The following BIRC6 variants were observed in gnomAD, a reference collection of about 807,000 sequenced individuals.
The protein encoded by BIRC6 is baculoviral IAP repeat containing 6.
BIRC6 carries 98 observed loss-of-function variants against 503.3 expected under a neutral mutation model. That is an observed-to-expected ratio of 0.19 (90% CI 0.17 to 0.23). The LOEUF is 0.23. Ranked by LOEUF, BIRC6 falls within the 10% of genes least tolerant of loss-of-function variation. The pLI is 1.00. For missense variants in BIRC6, 5,360 were observed against 5,806.0 expected, an observed-to-expected ratio of 0.92 and a Z score of 2.50; for synonymous variants, 2,240 against 2,078.7, an observed-to-expected ratio of 1.08 and a Z score of -2.11.
chr2:32,577,518 CCTT>C (rs1410375530), intron 66 of BIRC6, among the ~76,000 whole-genome samples: 3 of 151,992 alleles, frequency 2.0e-5, no homozygotes, highest in Non-Finnish European at 4.4e-5. Context: ...ATAATAATAT[CCTT>C]CTTTAAACTG....
chr2:32,558,891 C>T (rs557562663), intron 65 of BIRC6: 5 of 152,284 alleles, frequency 3.3e-5, no homozygotes, highest in African/African-American at 1.2e-4. Context: ...GTAAGTCACA[C>T]TGTAAATAGG....
At chr2:32,469,149 A>G (rs1363502515) in intron 29 of BIRC6, among the ~76,000 whole-genome samples, 1 of 152,202 alleles carries the variant, frequency 6.6e-6, no homozygotes, top group Non-Finnish European at 1.5e-5. Flanking sequence ...TCACACATTC[A>G]CTGACACAGC....
At chr2:32,481,817 C>G (rs2050434182) in intron 38 of BIRC6, among the ~76,000 whole-genome samples, 1 of 151,856 alleles carries the variant, frequency 6.6e-6, no homozygotes, top group Admixed American at 6.6e-5. Flanking sequence ...CAGTCTCATA[C>G]TTTTGGCTTA....
chr2:32,586,398 A>G (rs979191033), intron 66 of BIRC6, among the ~76,000 whole-genome samples: 10 of 133,468 alleles, frequency 7.5e-5, no homozygotes, highest in African/African-American at 2.8e-4. Context: ...TCACTGTATT[A>G]TCTCAGACAA....
chr2:32,505,097 T>G lies in BIRC6; in HGVS notation c.9592T>G (p.Ser3198Ala). ...CAGAAGAGCTCGCTCTGCTGCTTGG[T>G]CCTACATCTTTCTTCCAGAGGAGGC... ...PHRRARSAAW[S>A]YIFLPEEAWC... is the part of the protein sequence containing the mutation. The change falls in exon 50 of 74, where the codon TCC becomes GCC. Residue 3198 changes from serine to alanine, a missense_variant. Ser to Ala is a moderately conservative substitution (Grantham distance 99, BLOSUM62 1). This residue lies in a region of BIRC6 where 267 missense variants were observed against 287.6 expected (regional missense o/e 0.93). Coordinates refer to ENST00000421745, the MANE Select transcript of BIRC6 (RefSeq NM_016252.4). 6.2e-7 allele frequency: 1 copy of G among 1,612,082 alleles called. No individual in the cohort carries two copies. The highest frequency in any genetic ancestry group is 8.5e-7 in the Non-Finnish European group (1 of 1,179,062).
At chr2:32,534,390 A>AG (rs1257981674) in intron 61 of BIRC6, among the ~76,000 whole-genome samples, 6 of 151,196 alleles carry the variant, frequency 4.0e-5, no homozygotes, top group East Asian at 2.0e-4. Context: ...AAAAAAAAAA[A>AG]AGAGACACTG....
intron 4 of BIRC6, among the ~76,000 whole-genome samples, chr2:32,390,045 A>G (rs544925675): frequency 1.6e-4 from 25 of 152,100 alleles, no homozygotes; most frequent in African/African-American, 5.8e-4. Context: ...TTTTTAGTAG[A>G]GACAGTGTTT....
chr2:32,401,989 A>G (rs1369286283), intron 8 of BIRC6, among the ~76,000 whole-genome samples: 15 of 152,336 alleles, frequency 9.8e-5, no homozygotes, highest in Non-Finnish European at 2.9e-5. Flanking sequence ...AGATGATTTC[A>G]GTTTCCGTTT....
chr2:32,524,431 T>C lies in BIRC6; in HGVS notation c.11624-457T>C, dbSNP rs563666348. On this transcript the variant is annotated intron_variant, in intron 57 of 73. Coordinates refer to ENST00000421745, the MANE Select transcript of BIRC6 (RefSeq NM_016252.4). ...GTCTAGTTTAATGCTATAGACTGAATCTTGAGCTTGAGTCCCATATTTGCC... is the reference window on the plus strand; with the variant it reads ...GTCTAGTTTAATGCTATAGACTGAACCTTGAGCTTGAGTCCCATATTTGCC... Among the ~76,000 whole-genome samples, 14 of 152,348 alleles carry C rather than the reference T, an allele frequency of 9.2e-5. No homozygotes were observed. In the South Asian group the frequency reaches 2.9e-3, roughly 32 times the overall value.
intron 33 of BIRC6, among the ~76,000 whole-genome samples, chr2:32,473,820 A>T (rs981357673): frequency 7.0e-6 from 1 of 143,196 alleles, no homozygotes; most frequent in Non-Finnish European, 1.5e-5. Flanking sequence ...TGGAACAATC[A>T]TAGTTCACTG....
At chr2:32,550,394 T>TA (rs2058346904) in intron 65 of BIRC6, among the ~76,000 whole-genome samples, 8 of 152,154 alleles carry the variant, frequency 5.3e-5, no homozygotes, top group Admixed American at 5.2e-4. Context: ...CCTTTAAAAA[T>TA]ACGCTATTTC....
intron 9 of BIRC6, among the ~76,000 whole-genome samples, chr2:32,407,317 G>A (rs913932436): frequency 1.3e-5 from 2 of 151,798 alleles, no homozygotes; most frequent in Non-Finnish European, 2.9e-5. Context: ...GCGTGGTGGC[G>A]CATGCCTATC....
intron 37 of BIRC6, among the ~76,000 whole-genome samples, chr2:32,480,755 C>T (rs1015438682): frequency 1.1e-4 from 17 of 148,900 alleles, no homozygotes; most frequent in African/African-American, 3.7e-4. Context: ...GATTCTCCTG[C>T]TTCAGCCCCT....
In BIRC6 at chr2:32,593,953, A is replaced by C. The variant is rs1196954154; in HGVS notation, c.13394A>C (p.Asp4465Ala). The change falls in exon 67 of 74, where the codon GAT (aspartate) becomes GCT (alanine). Residue 4465 changes from aspartate (D) to alanine (A), a missense_variant. By Grantham distance (126) the Asp-to-Ala change is moderately radical. Around this residue, in one of 16 missense-constraint regions of BIRC6, gnomAD observed 477 missense variants for 574.4 expected, o/e 0.83. Coordinates refer to ENST00000421745, the MANE Select transcript of BIRC6 (RefSeq NM_016252.4). ...RENVKTGVKPDASDQEPEGLT... is the reference protein window; with the variant it reads ...RENVKTGVKPAASDQEPEGLT... ...AATGTTAAAACAGGAGTAAAACCAG[A>C]TGCGTCTGATCAAGAACCAGAAGGA... The C allele has an allele frequency of 6.2e-7, 1 of 1,613,576 alleles. No individual in the cohort carries two copies. Among genetic ancestry groups the C allele is most frequent in the Admixed American group, 1.7e-5 (1 of 60,006 alleles).
At chr2:32,446,766 T>A (rs985884461) in intron 21 of BIRC6, among the ~76,000 whole-genome samples, 6 of 138,038 alleles carry the variant, frequency 4.3e-5, no homozygotes, top group Non-Finnish European at 9.4e-5. Context: ...TTTTTTTTTT[T>A]TTTTTATTGA....
intron 65 of BIRC6, among the ~76,000 whole-genome samples, chr2:32,572,482 G>C (rs2059979152): frequency 6.6e-6 from 1 of 152,118 alleles, no homozygotes; most frequent in African/African-American, 2.4e-5. Flanking sequence ...TAGAATATAG[G>C]CATTTAAAAT....
At chr2:32,384,914 C>G (rs970497860) in intron 3 of BIRC6, among the ~76,000 whole-genome samples, 1 of 152,118 alleles carries the variant, frequency 6.6e-6, no homozygotes, top group African/African-American at 2.4e-5. Flanking sequence ...TATTTTTACC[C>G]TCTGAGAGTT....
At chr2:32,482,405 C>T in intron 38 of BIRC6, 24 bp from the exon 39 acceptor site, 2 of 1,598,796 alleles carry the variant, frequency 1.3e-6, no homozygotes, top group South Asian at 1.1e-5. Flanking sequence ...AAATAAACCA[C>T]AGTTTTTTTT....
chr2:32,391,164 A>G (rs2039183183), intron 4 of BIRC6, among the ~76,000 whole-genome samples: 1 of 152,226 alleles, frequency 6.6e-6, no homozygotes, highest in African/African-American at 2.4e-5. Flanking sequence ...AATCAGTGCA[A>G]GCTGTGGTAA....
Sources: allele counts gnomAD v4.1 joint callset (sites outside exome capture counted in the v4.1 genomes callset), GRCh38; gene constraint gnomAD v4.1.1; regional missense constraint gnomAD v4.1.1; transcripts MANE v1.5; gene names NCBI Gene and HGNC (gene_info 2026-07-23, HGNC 2026-07-21).